The following ARID1B variants were observed in gnomAD, a reference collection of about 807,000 sequenced individuals.
The protein encoded by ARID1B is AT-rich interactive domain-containing protein 1B.
Under a neutral mutation model 212.3 loss-of-function variants are expected in ARID1B, and 30 were observed. The ratio of observed to expected loss-of-function variants is 0.14; its 90% CI spans 0.11 to 0.19. The LOEUF is 0.19. ARID1B is among the 10% of genes least tolerant of loss of function. The probability of loss-of-function intolerance (pLI) is 1.00; values close to 1 mark genes in which losing one functional copy is unlikely to be tolerated. For synonymous variants in ARID1B, 1,402 were observed against 1,301.7 expected (o/e 1.08, Z -1.66); for missense variants, 2,891 against 3,204.0 (o/e 0.90, Z 2.36).
intron 4 of ARID1B, among the ~76,000 whole-genome samples, chr6:157,070,089 C>CTAAAT: frequency 6.6e-6 from 1 of 152,200 alleles, no homozygotes; most frequent in East Asian, 1.9e-4. Context: ...CAAAATGTTA[C>CTAAAT]AATTTAGTAA....
At chr6:156,898,159 G>C (rs972246280) in intron 2 of ARID1B, among the ~76,000 whole-genome samples, 1 of 152,148 alleles carries the variant, frequency 6.6e-6, no homozygotes, top group Non-Finnish European at 1.5e-5. Context: ...CCCAGCAACT[G>C]CTGACTAGCG....
rs939801463 is a variant in ARID1B, at chr6:157,004,906, T to G, written c.2247+69330T>G. On this transcript the variant is annotated intron_variant, in intron 4 of 19. Transcript: ENST00000636930. Reference sequence around the variant, plus strand: ...TTTCTTCTTCTTTTTTCTTTTTTTTTTTTTTTTTTTTTTTTTTTTTTTTTT... The same window carrying G: ...TTTCTTCTTCTTTTTTCTTTTTTTTGTTTTTTTTTTTTTTTTTTTTTTTTT... Among the ~76,000 whole-genome samples, 830 of 108,616 alleles carry G rather than the reference T, an allele frequency of 7.6e-3. 47 individuals are homozygous for G. Among genetic ancestry groups the G allele is most frequent in the African/African-American group, 0.019 (433 of 23,280 alleles). The allele number at this position is 108,616 out of a possible 152,430, so 71.3% of individuals were successfully genotyped here.
intron 9 of ARID1B, among the ~76,000 whole-genome samples, chr6:157,170,481 T>C (rs913106707): frequency 6.6e-6 from 1 of 152,192 alleles, no homozygotes; most frequent in African/African-American, 2.4e-5. Context: ...GGTAATGATT[T>C]CAAGTGAATT....
chr6:156,858,678 A>G (rs1194254503), intron 2 of ARID1B, among the ~76,000 whole-genome samples: 1 of 152,200 alleles, frequency 6.6e-6, no homozygotes, highest in Admixed American at 6.5e-5. Context: ...CTGAGGCAGG[A>G]GAATCGCTTG....
At chr6:156,841,818 G>C (rs951599692) in intron 2 of ARID1B, among the ~76,000 whole-genome samples, 1 of 152,146 alleles carries the variant, frequency 6.6e-6, no homozygotes. Context: ...GCTAAGGGGA[G>C]GGGTTACTCA....
chr6:157,037,465 A>G (rs924200147), intron 4 of ARID1B, among the ~76,000 whole-genome samples: 2 of 152,140 alleles, frequency 1.3e-5, no homozygotes, highest in Non-Finnish European at 2.9e-5. Flanking sequence ...TAGGAGGTGG[A>G]TCCCTGGGCT....
At chr6:157,152,820 T>C (rs181943908) in intron 8 of ARID1B, among the ~76,000 whole-genome samples, 35 of 152,238 alleles carry the variant, frequency 2.3e-4, no homozygotes, top group African/African-American at 8.4e-4. Context: ...AAAAGCTAGT[T>C]TGCTAAATGT....
intron 2 of ARID1B, among the ~76,000 whole-genome samples, chr6:156,838,538 C>T (rs1425060776): frequency 1.3e-5 from 2 of 151,868 alleles, no homozygotes; most frequent in East Asian, 1.9e-4. Flanking sequence ...GCTCTTAAAA[C>T]GCTCTAAGTC....
At chr6:157,051,778 G>A (rs752231213) in intron 4 of ARID1B, among the ~76,000 whole-genome samples, 6 of 152,154 alleles carry the variant, frequency 3.9e-5, no homozygotes, top group South Asian at 2.1e-4. Flanking sequence ...TACAGTCCTC[G>A]TGCACCACAC....
chr6:156,975,206 A>C (rs115563408), intron 4 of ARID1B, among the ~76,000 whole-genome samples: 11 of 152,286 alleles, frequency 7.2e-5, no homozygotes, highest in Admixed American at 2.0e-4. Context: ...ATTTTTGTGG[A>C]TGTGACTGGG....
intron 3 of ARID1B, among the ~76,000 whole-genome samples, chr6:156,920,716 T>C (rs1790710711): frequency 6.6e-6 from 1 of 152,176 alleles, no homozygotes; most frequent in Non-Finnish European, 1.5e-5. Context: ...TGCTAGGCTT[T>C]TGGGAGAGGA....
chr6:157,110,413 G>C (rs1786820033), intron 5 of ARID1B, 59 bp from the exon 6 acceptor site: 14 of 1,453,136 alleles, frequency 9.6e-6, no homozygotes. Context: ...GGTTTTGCAT[G>C]ACTGCATTAT....
At chr6:156,902,946 A>G (rs976599247) in intron 3 of ARID1B, among the ~76,000 whole-genome samples, 1 of 152,098 alleles carries the variant, frequency 6.6e-6, no homozygotes, top group African/African-American at 2.4e-5. Flanking sequence ...TCAGAGCCTT[A>G]TTGAACTTAT....
At chr6:156,838,734 A>ATAATAAT (rs61126492) in intron 2 of ARID1B, among the ~76,000 whole-genome samples, 1 of 150,332 alleles carries the variant, frequency 6.7e-6, no homozygotes, top group African/African-American at 2.5e-5. Context: ...AATAATAATA[A>ATAATAAT]ACAAAAAAAA....
chr6:157,062,583 G>T (rs556461830), intron 4 of ARID1B, among the ~76,000 whole-genome samples: 47 of 151,968 alleles, frequency 3.1e-4, no homozygotes, highest in African/African-American at 1.1e-3. Flanking sequence ...TGAGGACAGG[G>T]TACCATAAGA....
intron 2 of ARID1B, among the ~76,000 whole-genome samples, chr6:156,894,401 A>T (rs903607934): frequency 1.3e-5 from 2 of 152,090 alleles, no homozygotes; most frequent in Admixed American, 6.5e-5. Flanking sequence ...GATGGTGGTG[A>T]TGGTTGGCCA....
At chr6:156,861,128 T>C (rs287907) in intron 2 of ARID1B, among the ~76,000 whole-genome samples, 19,224 of 152,174 alleles carry the variant, frequency 0.13, 1,621 homozygotes, top group Non-Finnish European at 0.19. Flanking sequence ...GCAGGAAGGA[T>C]AGGTGACATT....
chr6:157,028,707 G>A (rs1476851430), intron 4 of ARID1B, among the ~76,000 whole-genome samples: 1 of 152,190 alleles, frequency 6.6e-6, no homozygotes. Flanking sequence ...GTAACTGACA[G>A]GGTTACACTA....
intron 2 of ARID1B, among the ~76,000 whole-genome samples, chr6:156,869,217 A>G (rs1785932917): frequency 6.6e-6 from 1 of 152,206 alleles, no homozygotes; most frequent in Non-Finnish European, 1.5e-5. Context: ...TTTCAGATTT[A>G]ATACTTTTAG....
Sources: gnomAD v4.1 joint callset for allele counts (sites outside exome capture counted in the v4.1 genomes callset) on GRCh38, gnomAD v4.1.1 for gene constraint, MANE v1.5 for transcripts, NCBI Gene and HGNC (gene_info 2026-07-23, HGNC 2026-07-21) for gene names.